Variants in PSMD13 observed in about 807,000 individuals in gnomAD.
PSMD13 encodes 26S proteasome non-ATPase regulatory subunit 13.
PSMD13 carries 8 observed loss-of-function variants against 57.4 expected under a neutral mutation model. The ratio of observed to expected loss-of-function variants is 0.14; its 90% confidence interval spans 0.08 to 0.25. The LOEUF (loss-of-function observed/expected upper bound fraction) is 0.25, where lower values mean the gene tolerates loss of function less well. Among genes scored for constraint, PSMD13 ranks in the 10% least tolerant of loss-of-function variants. The pLI is 1.00. For missense variants in PSMD13, 400 were observed against 461.5 expected, an observed-to-expected ratio of 0.87 and a Z score of 1.22; for synonymous variants, 193 against 168.2, an observed-to-expected ratio of 1.15 and a Z score of -1.14.
intron 6 of PSMD13, among the ~76,000 whole-genome samples, chr11:245,732 G>T (rs551212437): frequency 8.4e-5 from 12 of 143,540 alleles, no homozygotes; most frequent in Admixed American, 7.7e-4. Flanking sequence ...GTGTTTGTGT[G>T]TGTGTGTGTT....
At position 252,042 on chromosome 11, in the gene PSMD13, T is replaced by A; in HGVS notation, c.1035+106T>A. The A allele has an allele frequency of 9.4e-7, 1 of 1,059,958 alleles. No individual in the cohort carries two copies. Among genetic ancestry groups the A allele is most frequent in the Non-Finnish European group, 1.4e-6 (1 of 712,338 alleles). 65.7% of individuals were successfully genotyped at this position (1,059,958 alleles called of 1,614,324 possible). A position where few individuals can be genotyped will look rare whatever the true frequency, so the allele number is the denominator to read the frequency against. On this transcript the variant is annotated intron_variant, in intron 12 of 12. Coordinates refer to ENST00000532097, the MANE Select transcript of PSMD13 (RefSeq NM_002817.4). This position sits in a 1 kb window ranked among gnomAD's most constrained non-coding sequence, Gnocchi z 4.1. ...AAGCCATTTGGGAAGACAGCATTATTAGACAAGAGGTTTTGGAGAAGGAAA... is the reference window on the plus strand; with the variant it reads ...AAGCCATTTGGGAAGACAGCATTATAAGACAAGAGGTTTTGGAGAAGGAAA...
chr11:246,006 C>G (rs950367079), intron 6 of PSMD13, among the ~76,000 whole-genome samples: 1 of 152,084 alleles, frequency 6.6e-6, no homozygotes, highest in Non-Finnish European at 1.5e-5. Flanking sequence ...CCCTTCAGAC[C>G]ACACTTCTCC....
At chr11:246,376 C>G (rs1859647714) in intron 6 of PSMD13, among the ~76,000 whole-genome samples, 1 of 152,160 alleles carries the variant, frequency 6.6e-6, no homozygotes, top group Admixed American at 6.5e-5. Context: ...GTGGCGGGCG[C>G]CTGTAGTCCC....
chr11:243,345 G>T, intron 2 of PSMD13: 1 of 362,888 alleles, frequency 2.8e-6, no homozygotes, highest in Non-Finnish European at 5.6e-6. Context: ...TTTTTCTCAA[G>T]AAATGCATTA....
intron 1 of PSMD13, among the ~76,000 whole-genome samples, 178 bp downstream of exon 1, chr11:237,322 G>T (rs1180167993): frequency 6.6e-6 from 1 of 152,200 alleles, no homozygotes; most frequent in Non-Finnish European, 1.5e-5. Context: ...TGAGTGGCAG[G>T]GTCGAGGAAT....
intron 7 of PSMD13, among the ~76,000 whole-genome samples, chr11:248,394 A>G (rs775492424): frequency 2.6e-5 from 4 of 152,236 alleles, no homozygotes; most frequent in Non-Finnish European, 5.9e-5. Context: ...CAAGAGAACA[A>G]TAGACTTGCT....
In PSMD13 at chr11:252,507, C is replaced by T. The variant is rs766986678; in HGVS notation, c.1038C>T (p.Ile346=). The T allele has an allele frequency of 5.8e-5, 93 of 1,613,850 alleles. No homozygotes were observed. The highest frequency in any genetic ancestry group is 2.2e-5 in the South Asian group (2 of 91,064). Reference sequence around the variant, plus strand: ...TTGTGTCCGGATTTCCATTTCAGATCAAGGGAATGAAGGACCGCCTGGAGT... The same window carrying T: ...TTGTGTCCGGATTTCCATTTCAGATTAAGGGAATGAAGGACCGCCTGGAGT... ...VQPRVLDLQQ[I]KGMKDRLEFW... Residue 346 remains isoleucine (I), a splice_region_variant and synonymous_variant, in exon 13 of 13, where the codon ATC becomes ATT. Transcript: ENST00000532097. The surrounding 1 kb of genome is among the most constrained non-coding windows in gnomAD (Gnocchi z 4.1).
At chr11:242,842 C>G (rs1312829197) in intron 2 of PSMD13, among the ~76,000 whole-genome samples, 2 of 151,878 alleles carry the variant, frequency 1.3e-5, no homozygotes, top group Non-Finnish European at 2.9e-5. Context: ...GTTGCCTAGG[C>G]TGGAATGCAA....
At chr11:249,305 C>T (rs1353460151) in intron 9 of PSMD13, among the ~76,000 whole-genome samples, 4 of 152,002 alleles carry the variant, frequency 2.6e-5, no homozygotes, top group African/African-American at 4.8e-5. Context: ...CCTGCATCTA[C>T]GCTGGGTGGA....
At chr11:244,320 T>G in intron 4 of PSMD13, 104 bp downstream of exon 4, 1 of 1,576,336 alleles carries the variant, frequency 6.3e-7, no homozygotes, top group African/African-American at 1.4e-5. Flanking sequence ...TATTATGTTT[T>G]TATTATACTT....
intron 7 of PSMD13, chr11:247,658 C>T: frequency 2.4e-6 from 1 of 423,282 alleles, no homozygotes; most frequent in South Asian, 3.1e-5. Flanking sequence ...ATGGTGAAAC[C>T]CTGTCTCTAC....
chr11:252,676 A>T lies in PSMD13; in HGVS notation c.*76A>T, dbSNP rs1859791362. On this transcript the variant is annotated 3_prime_UTR_variant, in exon 13 of 13. Transcript: ENST00000532097. This position sits in a 1 kb window ranked among gnomAD's most constrained non-coding sequence, Gnocchi z 4.1. ...TTGCAGCCAATGAAGCTGGCTGCTC[A>T]GACGGTCGACATTGAATTTGGGTGG... 16 of 1,387,100 alleles carry T rather than the reference A, an allele frequency of 1.2e-5. No individual in the cohort carries two copies. In the South Asian group the frequency reaches 1.9e-4, roughly 16 times the overall value. The allele number at this position is 1,387,100 out of a possible 1,614,324, so 85.9% of individuals were successfully genotyped here. A position where few individuals can be genotyped will look rare whatever the true frequency, so the allele number is the denominator to read the frequency against.
intron 10 of PSMD13, 112 bp downstream of exon 10, chr11:250,977 T>C (rs61157813): frequency 1.1e-6 from 1 of 930,612 alleles, no homozygotes; most frequent in East Asian, 2.4e-5. Flanking sequence ...TGGTGCTGCT[T>C]CTGCTGTGCG....
intron 6 of PSMD13, among the ~76,000 whole-genome samples, chr11:245,941 G>A (rs1029743710): frequency 6.6e-6 from 1 of 152,020 alleles, no homozygotes; most frequent in Non-Finnish European, 1.5e-5. Context: ...GCATCCATGT[G>A]CCCCAACCAG....
At chr11:241,213 G>T (rs764142920) in intron 2 of PSMD13, among the ~76,000 whole-genome samples, 39 of 152,136 alleles carry the variant, frequency 2.6e-4, no homozygotes, top group Middle Eastern at 6.8e-3. Context: ...ATCTCAGCTC[G>T]CTGCAACCTC....
In PSMD13 at chr11:247,388, G is replaced by A. The variant is rs751978043; in HGVS notation, c.508G>A (p.Ala170Thr). Reference protein sequence around the residue: ...SKYYQTIGNHASYYKDALRFL... With the variant: ...SKYYQTIGNHTSYYKDALRFL... ...ATACTATCAAACAATCGGAAACCAC[G>A]CGTCCTACTACAAAGATGCTCTGCG... The change falls in exon 7 of 13, where the codon GCG (alanine) becomes ACG (threonine). Residue 170 changes from alanine (A) to threonine (T), a missense_variant. Physicochemically the swap from Ala to Thr is moderately conservative, Grantham distance 58. Transcript: ENST00000532097. The A allele has an allele frequency of 9.1e-6, 14 of 1,545,596 alleles. No homozygotes were observed. The highest frequency in any genetic ancestry group is 8.7e-5 in the Admixed American group (5 of 57,674).
At chr11:239,305 C>G (rs1859466133) in intron 2 of PSMD13, among the ~76,000 whole-genome samples, 1 of 152,176 alleles carries the variant, frequency 6.6e-6, no homozygotes, top group Non-Finnish European at 1.5e-5. Flanking sequence ...AGTAACTTAC[C>G]ATAGATCACT....
chr11:243,471 A>T, intron 2 of PSMD13: 1 of 302,548 alleles, frequency 3.3e-6, no homozygotes, highest in South Asian at 3.0e-5. Flanking sequence ...AGTAGGACAG[A>T]TACAAATAAA....
At position 251,327 on chromosome 11, in the gene PSMD13, T is replaced by C; in HGVS notation, c.838-219T>C. Reference sequence around the variant, plus strand: ...TGTTCGGGGATTGAACAATGGCTACTGTCAGAAACTCCTGTAAGGCATTTT... The same window carrying C: ...TGTTCGGGGATTGAACAATGGCTACCGTCAGAAACTCCTGTAAGGCATTTT... On this transcript the variant is annotated intron_variant, in intron 10 of 12. Transcript: ENST00000532097. The surrounding 1 kb of genome is among the most constrained non-coding windows in gnomAD (Gnocchi z 4.6). 1 of 550,040 alleles carries C rather than the reference T, an allele frequency of 1.8e-6. No individual in the cohort carries two copies. The highest frequency in any genetic ancestry group is 3.2e-6 in the Non-Finnish European group (1 of 312,712). The allele number at this position is 550,040 out of a possible 1,614,324, so 34.1% of individuals were successfully genotyped here. A position where few individuals can be genotyped will look rare whatever the true frequency, so the allele number is the denominator to read the frequency against.
Sources: gnomAD v4.1 joint callset for allele counts (sites outside exome capture counted in the v4.1 genomes callset) on GRCh38, gnomAD v4.1.1 for gene constraint, Gnocchi (gnomAD v3.1) non-coding constraint, MANE v1.5 for transcripts, NCBI Gene and HGNC (gene_info 2026-07-23, HGNC 2026-07-21) for gene names.